Variants in USP30 observed in about 807,000 individuals in gnomAD.
USP30 encodes ubiquitin carboxyl-terminal hydrolase 30.
In USP30, 41 loss-of-function variants were observed where a neutral mutation model predicts 68.2. That is an observed-to-expected ratio of 0.60 (90% CI 0.47 to 0.78). The LOEUF (loss-of-function observed/expected upper bound fraction) is 0.78, where lower values mean the gene tolerates loss of function less well. Ranked by LOEUF, USP30 falls within the 30% of genes least tolerant of loss-of-function variation. USP30 has a pLI of 0.00. For synonymous variants in USP30, 229 were observed against 253.7 expected, an observed-to-expected ratio of 0.90 and a Z score of 0.93; for missense variants, 522 against 649.4, an observed-to-expected ratio of 0.80 and a Z score of 2.13.
At position 109,082,814 on chromosome 12, in the gene USP30, G is replaced by C. The variant is rs186432770; in HGVS notation, c.949-29G>C. On this transcript the variant is annotated intron_variant, in intron 10 of 12. Transcript: ENST00000257548. Reference sequence around the variant, plus strand: ...GTGTATCCTGCCCCTGAAACAACTCGGTTCTCCCGATTTCTCTTCCACCCG... The same window carrying C: ...GTGTATCCTGCCCCTGAAACAACTCCGTTCTCCCGATTTCTCTTCCACCCG... 4 of 1,610,048 alleles carry C rather than the reference G, an allele frequency of 2.5e-6. No homozygotes were observed. In the South Asian group the frequency reaches 3.3e-5, roughly 13 times the overall value.
At chr12:109,065,281 G>A (rs908841555) in intron 3 of USP30, among the ~76,000 whole-genome samples, 1 of 152,150 alleles carries the variant, frequency 6.6e-6, no homozygotes, top group South Asian at 2.1e-4. Flanking sequence ...GAAGGAGGGT[G>A]GCCAAGATCA....
At chr12:109,032,188 C>A (rs2040487644) in intron 3 of USP30, among the ~76,000 whole-genome samples, 1 of 151,836 alleles carries the variant, frequency 6.6e-6, no homozygotes. Flanking sequence ...TCTGTAACCC[C>A]AGCTACTTGG....
At chr12:109,025,813 G>A (rs935038465) in intron 2 of USP30, among the ~76,000 whole-genome samples, 1 of 151,614 alleles carries the variant, frequency 6.6e-6, no homozygotes, top group African/African-American at 2.4e-5. Flanking sequence ...TCAGCCTCCC[G>A]AGTAGCTAGG....
At chr12:109,058,393 A>G (rs2040944883) in intron 3 of USP30, among the ~76,000 whole-genome samples, 1 of 151,984 alleles carries the variant, frequency 6.6e-6, no homozygotes, top group Admixed American at 6.6e-5. Flanking sequence ...ACATGGAGAA[A>G]CTCCATCTCT....
At chr12:109,049,562 C>T (rs1014131944), upstream of USP30, among the ~76,000 whole-genome samples, 14 of 152,130 alleles carry the variant, frequency 9.2e-5, no homozygotes, top group Non-Finnish European at 1.3e-4. Flanking sequence ...CGCCTGTAAT[C>T]CCAGCACTTT....
chr12:109,037,488 T>C (rs1177489286), intron 3 of USP30, among the ~76,000 whole-genome samples: 1 of 152,208 alleles, frequency 6.6e-6, no homozygotes, highest in Non-Finnish European at 1.5e-5. Context: ...ACATGTGTCA[T>C]TATTTTTTAT....
Position 109,084,966 on chromosome 12 carries a change from A to T in USP30, c.1182A>T (p.Pro394=), listed in dbSNP as rs1254171903. The stretch of plus-strand genomic sequence containing the variant: ...TTTCTCTTGCAGTTCTGAATCAGCC[A>T]GGGGCCCCCAAAACACAGATTTTTA... The part of the protein sequence containing the change: ...PGAPTPVLNQ[P]GAPKTQIFMN... Residue 394 remains proline (P), a synonymous_variant, in exon 12 of 13, where the codon CCA becomes CCT. Transcript: ENST00000257548. 2 of 1,599,252 alleles carry T rather than the reference A, an allele frequency of 1.3e-6. No homozygotes were observed. The highest frequency in any genetic ancestry group is 2.7e-5 in the African/African-American group (2 of 74,424).
intron 3 of USP30, among the ~76,000 whole-genome samples, chr12:109,064,846 T>A (rs151169252): frequency 5.4e-4 from 81 of 149,958 alleles, no homozygotes; most frequent in African/African-American, 1.8e-3. Context: ...AAAGGAGGCA[T>A]TAAAATTTTC....
intron 2 of USP30, among the ~76,000 whole-genome samples, chr12:109,057,197 TC>T (rs2040903637): frequency 6.6e-6 from 1 of 152,052 alleles, no homozygotes; most frequent in Non-Finnish European, 1.5e-5. Flanking sequence ...AAAATTATTT[TC>T]TTTTTTTTTT....
At chr12:109,057,873 A>G in intron 2 of USP30, 53 bp from the exon 3 acceptor site, 1 of 1,554,344 alleles carries the variant, frequency 6.4e-7, no homozygotes, top group East Asian at 2.3e-5. Flanking sequence ...CATGGGAGAG[A>G]AATTGATCAA....
chr12:109,039,530 T>C (rs547162837), intron 3 of USP30, among the ~76,000 whole-genome samples: 2 of 152,274 alleles, frequency 1.3e-5, no homozygotes, highest in South Asian at 2.1e-4. Context: ...AAGGAGATGA[T>C]ACAGAAGCCA....
Position 109,073,500 on chromosome 12 carries a change from A to G in USP30, c.688A>G (p.Ser230Gly), listed in dbSNP as rs2135784938. The change falls in exon 7 of 13, where the codon AGT becomes GGT. Residue 230 changes from serine to glycine, a missense_variant. Coordinates refer to ENST00000257548, the MANE Select transcript of USP30 (RefSeq NM_032663.5). ...ACATCCTTTTCATGGAAGACTCACTAGTAATATGGTCTGCAAACACTGTGA... is the reference window on the plus strand; with the variant it reads ...ACATCCTTTTCATGGAAGACTCACTGGTAATATGGTCTGCAAACACTGTGA... The part of the protein sequence containing the change: ...SQHPFHGRLT[S>G]NMVCKHCEHQ... 3 of 1,613,892 alleles carry G rather than the reference A, an allele frequency of 1.9e-6. No individual in the cohort carries two copies. Among genetic ancestry groups the G allele is most frequent in the Non-Finnish European group, 2.5e-6 (3 of 1,179,724 alleles).
intron 3 of USP30, among the ~76,000 whole-genome samples, chr12:109,033,445 A>G (rs1394520793): frequency 2.0e-5 from 3 of 152,176 alleles, no homozygotes; most frequent in Non-Finnish European, 2.9e-5. Context: ...TTGTTTTAGT[A>G]ACACTGGTTT....
At chr12:109,049,660 C>T (rs1001799531), upstream of USP30, among the ~76,000 whole-genome samples, 1 of 151,914 alleles carries the variant, frequency 6.6e-6, no homozygotes, top group Non-Finnish European at 1.5e-5. Flanking sequence ...ACTAAAAACG[C>T]TAAAATTAGC....
Position 109,085,963 on chromosome 12 carries a change from C to G in USP30, c.*32C>G. 6.3e-7 allele frequency: 1 copy of G among 1,595,842 alleles called. No individual in the cohort carries two copies. The highest frequency in any genetic ancestry group is 8.6e-7 in the Non-Finnish European group (1 of 1,169,224). ...CCTCCTGCAAGGCTAGAGCTGATGG[C>G]ACTGTCTGCACTGTCCAGGAAAAAA... On this transcript the variant is annotated 3_prime_UTR_variant, in exon 13 of 13. Coordinates refer to ENST00000257548, the MANE Select transcript of USP30 (RefSeq NM_032663.5).
In USP30 at chr12:109,070,324, G is replaced by T. The variant is rs75774029; in HGVS notation, c.481-1288G>T. Among the ~76,000 whole-genome samples the T allele has an allele frequency of 1.3e-3, 204 of 152,314 alleles. No homozygotes were observed. The highest frequency in any genetic ancestry group is 4.7e-3 in the African/African-American group (194 of 41,560). On this transcript the variant is annotated intron_variant, in intron 4 of 12. Transcript: ENST00000257548. This position sits in a 1 kb window ranked among gnomAD's most constrained non-coding sequence, Gnocchi z 4.0. ...TGCTGAATTGGCTGAGGGTGGGTTA[G>T]AGTTCAGAGGGGTGGAGGCAGCTTT... is the stretch of plus-strand genomic sequence containing the variant.
intron 7 of USP30, among the ~76,000 whole-genome samples, chr12:109,079,198 A>T (rs909112462): frequency 6.6e-6 from 1 of 151,486 alleles, no homozygotes; most frequent in Non-Finnish European, 1.5e-5. Flanking sequence ...TTGTTATTTT[A>T]CTTAATGTTG....
At chr12:109,039,417 CT>C (rs1340966454) in intron 3 of USP30, among the ~76,000 whole-genome samples, 1 of 152,110 alleles carries the variant, frequency 6.6e-6, no homozygotes, top group Non-Finnish European at 1.5e-5. Flanking sequence ...GGCTTGTGTT[CT>C]AGTCATTTGA....
At chr12:109,032,963 G>T (rs1242827704) in intron 3 of USP30, among the ~76,000 whole-genome samples, 1 of 152,164 alleles carries the variant, frequency 6.6e-6, no homozygotes, top group Non-Finnish European at 1.5e-5. Flanking sequence ...CTGACAAGCT[G>T]CCCCTTAGCC....
Sources: gnomAD v4.1 joint callset for allele counts (sites outside exome capture counted in the v4.1 genomes callset) on GRCh38, gnomAD v4.1.1 for gene constraint, Gnocchi (gnomAD v3.1) non-coding constraint, MANE v1.5 for transcripts, NCBI Gene and HGNC (gene_info 2026-07-23, HGNC 2026-07-21) for gene names.